ABHD12: variants seen among roughly 807,000 people sequenced by gnomAD.
ABHD12 encodes the protein lysophosphatidylserine lipase ABHD12.
A neutral mutation model predicts 58.3 loss-of-function variants in ABHD12; 43 were observed. The observed-to-expected ratio is 0.74, with a 90% CI of 0.58 to 0.95. The LOEUF is 0.95. ABHD12 is among the 40% of genes least tolerant of loss of function. ABHD12 has a pLI of 0.00. For synonymous variants in ABHD12, 219 were observed against 211.2 expected, an observed-to-expected ratio of 1.04 and a Z score of -0.32; for missense variants, 539 against 537.2, an observed-to-expected ratio of 1.00 and a Z score of -0.03.
downstream of ABHD12, among the ~76,000 whole-genome samples, chr20:25,295,272 A>G (rs2088523272): frequency 6.6e-6 from 1 of 152,242 alleles, no homozygotes; most frequent in Non-Finnish European, 1.5e-5. Context: ...TGGGCTCTCC[A>G]CTGTCTGCCC....
At chr20:25,339,158 A>G in intron 2 of ABHD12, 69 bp downstream of exon 2, 3 of 1,599,542 alleles carry the variant, frequency 1.9e-6, no homozygotes, top group Non-Finnish European at 2.6e-6. Flanking sequence ...GACTACCCCT[A>G]AAATCAGACA....
chr20:25,317,006 A>G, intron 5 of ABHD12, 42 bp downstream of exon 5: 1 of 1,598,812 alleles, frequency 6.3e-7, no homozygotes, highest in Non-Finnish European at 8.6e-7. Flanking sequence ...TGCCCTGGAA[A>G]GAACAGCCCA....
chr20:25,322,360 A>AAG, intron 3 of ABHD12, among the ~76,000 whole-genome samples: 5 of 71,708 alleles, frequency 7.0e-5, no homozygotes, highest in Admixed American at 1.8e-4. Flanking sequence ...CCTCTTGGAA[A>AAG]AGATATATAT....
Position 25,326,974 on chromosome 20 carries a change from T to C in ABHD12, c.317-3544A>G, listed in dbSNP as rs184300544. On this transcript the variant is annotated intron_variant, in intron 2 of 12. Coordinates refer to ENST00000339157, the MANE Select transcript of ABHD12 (RefSeq NM_001042472.3). ...GTGCTAAAACTATAGATGACAATAG[T>C]AATGCCTTTGCCATGCAAGCCGTGG... Among the ~76,000 whole-genome samples, 440 of 152,346 alleles carry C rather than the reference T, an allele frequency of 2.9e-3. 8 individuals carry two copies. The highest frequency in any genetic ancestry group is 0.024 in the Admixed American group (373 of 15,302).
chr20:25,302,002 G>C (rs2088644064), intron 12 of ABHD12, among the ~76,000 whole-genome samples: 1 of 152,212 alleles, frequency 6.6e-6, no homozygotes, highest in Non-Finnish European at 1.5e-5. Flanking sequence ...ACAACATGGA[G>C]GCGGCTCACC....
chr20:25,378,264 G>C lies in ABHD12; in HGVS notation c.191+12249C>G, dbSNP rs1234094249. Among the ~76,000 whole-genome samples the C allele has an allele frequency of 3.3e-5, 5 of 152,308 alleles. No individual in the cohort carries two copies. In the East Asian group the frequency reaches 9.6e-4, roughly 29 times the overall value. ...ATCATCAAAGCCTGAGTATGCAAGA[G>C]CTGATGGTTGCCAAGCATAAAACAT... is the stretch of plus-strand genomic sequence containing the variant. On this transcript the variant is annotated intron_variant, in intron 1 of 12. Coordinates refer to ENST00000339157, the MANE Select transcript of ABHD12 (RefSeq NM_001042472.3).
intron 12 of ABHD12, chr20:25,295,112 C>A (rs1490120910): frequency 7.9e-6 from 11 of 1,390,978 alleles, no homozygotes; most frequent in Middle Eastern, 1.8e-4. Context: ...AACAGAAATG[C>A]ATTTGTAGAT....
Position 25,295,031 on chromosome 20 carries a change from C to T in ABHD12, c.1158-1G>A, listed in dbSNP as rs1310483389. On this transcript the variant is annotated splice_acceptor_variant, in intron 12 of 12. Transcript: ENST00000376542. LOFTEE classifies it high-confidence loss of function. ...GCTGGAACCTGGGCCCTGCTGAGGT[C>T]TGTGATAAAGGAAGTGCTTTTAAAA... 6.2e-7 allele frequency: 1 copy of T among 1,614,050 alleles called. No individual in the cohort carries two copies. The highest frequency in any genetic ancestry group is 1.7e-5 in the Admixed American group (1 of 60,010).
chr20:25,303,381 G>A (rs958490581), intron 11 of ABHD12, 169 bp downstream of exon 11: 1 of 1,513,548 alleles, frequency 6.6e-7, no homozygotes, highest in Non-Finnish European at 8.8e-7. Flanking sequence ...CAGCCTGGAG[G>A]TGACGCAGGG....
At chr20:25,354,953 AACAGAT>A (rs1385394464) in intron 1 of ABHD12, among the ~76,000 whole-genome samples, 1 of 152,082 alleles carries the variant, frequency 6.6e-6, no homozygotes, top group African/African-American at 2.4e-5. Flanking sequence ...GTACTTTCTG[AACAGAT>A]ACTCAAGCAT....
chr20:25,374,658 T>A (rs1207679320), intron 1 of ABHD12, among the ~76,000 whole-genome samples: 1 of 152,168 alleles, frequency 6.6e-6, no homozygotes, highest in Non-Finnish European at 1.5e-5. Flanking sequence ...CACACCCGGC[T>A]AATTTTGTAA....
chr20:25,355,630 C>T lies in ABHD12; in HGVS notation c.192-16279G>A, dbSNP rs371060865. 1.2e-3 allele frequency among the ~76,000 whole-genome samples: 182 copies of T among 152,302 alleles called. 1 individual carries two copies. The highest frequency in any genetic ancestry group is 4.2e-3 in the African/African-American group (174 of 41,570). On this transcript the variant is annotated intron_variant, in intron 1 of 12. Transcript: ENST00000339157. Reference sequence around the variant, plus strand: ...CTGGAGTGCAGTGGCACGATCCCAGCTCACTGCAACCTCCGCCTCCCGGGT... The same window carrying T: ...CTGGAGTGCAGTGGCACGATCCCAGTTCACTGCAACCTCCGCCTCCCGGGT...
exon 13 of ABHD12, chr20:25,294,962 G>C: frequency 5.0e-6 from 8 of 1,614,100 alleles, no homozygotes; most frequent in Non-Finnish European, 5.9e-6. Flanking sequence ...CGTGTCACCT[G>C]TTGGCTTCAG....
rs955660617 is a variant in ABHD12 at position 25,320,118 on chromosome 20, T to C, written c.542+81A>G. On this transcript the variant is annotated intron_variant, in intron 4 of 12. Coordinates refer to ENST00000339157, the MANE Select transcript of ABHD12 (RefSeq NM_001042472.3). Reference sequence around the variant, plus strand: ...GGACCGCAGGTTGCTCCTGCTGGTTTCCGGCAGACCGGGCCAGGACATTCC... The same window carrying C: ...GGACCGCAGGTTGCTCCTGCTGGTTCCCGGCAGACCGGGCCAGGACATTCC... The C allele has an allele frequency of 4.4e-5, 70 of 1,591,686 alleles. No individual in the cohort carries two copies. The African/African-American group carries it at 9.1e-4, about 21-fold the overall frequency.
chr20:25,309,625 C>T (rs1169434044), intron 6 of ABHD12, 50 bp from the exon 7 acceptor site: 1 of 1,610,960 alleles, frequency 6.2e-7, no homozygotes, highest in Middle Eastern at 1.7e-4. Flanking sequence ...GCTCACAAAA[C>T]CTGGACAAAC....
At chr20:25,338,135 AC>A (rs1283442664) in intron 2 of ABHD12, among the ~76,000 whole-genome samples, 1 of 152,068 alleles carries the variant, frequency 6.6e-6, no homozygotes, top group African/African-American at 2.4e-5. Context: ...TAGACTGAAC[AC>A]CCAAACTCAT....
At chr20:25,299,845 T>G (rs1437190639), downstream of ABHD12, among the ~76,000 whole-genome samples, 1 of 152,092 alleles carries the variant, frequency 6.6e-6, no homozygotes, top group Non-Finnish European at 1.5e-5. Context: ...GGGACCAGTG[T>G]TCTCATGAAC....
rs954009402 is a variant in ABHD12 at position 25,338,820 on chromosome 20, C to T, written c.316+407G>A. 6.9e-6 allele frequency: 7 copies of T among 1,017,144 alleles called. No individual in the cohort carries two copies. In the South Asian group the frequency reaches 2.0e-4, roughly 29 times the overall value. 63.0% of individuals were successfully genotyped at this position (1,017,144 alleles called of 1,614,324 possible). On this transcript the variant is annotated intron_variant, in intron 2 of 12. Transcript: ENST00000339157. ...GCAGCTAGGCTCCTGGAATGCACAA[C>T]TGACAAGGCATCTCCAACATGATGG... is the stretch of plus-strand genomic sequence containing the variant.
intron 10 of ABHD12, among the ~76,000 whole-genome samples, chr20:25,304,271 G>C (rs1322225643): frequency 6.6e-6 from 1 of 152,208 alleles, no homozygotes; most frequent in Non-Finnish European, 1.5e-5. Flanking sequence ...GGGAGCCCCC[G>C]CCCTGTCTGT....
Sources: gnomAD v4.1 joint callset for allele counts (sites outside exome capture counted in the v4.1 genomes callset) on GRCh38, gnomAD v4.1.1 for gene constraint, MANE v1.5 for transcripts, NCBI Gene and HGNC (gene_info 2026-07-23, HGNC 2026-07-21) for gene names.